The following RAB4A variants were observed in gnomAD, a reference collection of about 807,000 sequenced individuals.
RAB4A encodes the protein RAB4A, member RAS oncogene family, also known as ras-related protein Rab-4A.
RAB4A carries 20 observed loss-of-function variants against 34.5 expected under a neutral mutation model. The observed-to-expected ratio is 0.58, with a 90% CI of 0.41 to 0.84. The LOEUF (loss-of-function observed/expected upper bound fraction) is 0.84, where lower values mean the gene tolerates loss of function less well. RAB4A is among the 40% of genes least tolerant of loss of function. The pLI is 0.00. For missense variants in RAB4A, 228 were observed against 274.5 expected, an observed-to-expected ratio of 0.83 and a Z score of 1.20; for synonymous variants, 102 against 100.0, an observed-to-expected ratio of 1.02 and a Z score of -0.12.
intron 3 of RAB4A, among the ~76,000 whole-genome samples, chr1:229,294,708 C>T (rs1034412965): frequency 3.3e-5 from 5 of 152,022 alleles, no homozygotes; most frequent in Admixed American, 6.6e-5. Context: ...GGCGTGGTGG[C>T]GGGTGCAGCT....
At chr1:229,290,259 C>G (rs1657033891) in intron 3 of RAB4A, among the ~76,000 whole-genome samples, 1 of 152,082 alleles carries the variant, frequency 6.6e-6, no homozygotes, top group Non-Finnish European at 1.5e-5. Flanking sequence ...AGTCTAGACT[C>G]AAGGTCATAA....
In RAB4A at chr1:229,271,358, TC is replaced by T; in HGVS notation, c.21del (p.Glu8LysfsTer39). 7.8e-7 allele frequency: 1 copy of T among 1,281,234 alleles called. No homozygotes were observed. The allele number at this position is 1,281,234 out of a possible 1,614,324, so 79.4% of individuals were successfully genotyped here. MSQTAMSETYDFLFKFL... is the reference protein window; with the variant it reads MSQTAMXETYDFLFKFL... ...TCCCAAGATGTCGCAGACGGCCATGTCCGAAACCTACGGTACGAGGCCCGGG... is the reference window on the plus strand; with the variant it reads ...TCCCAAGATGTCGCAGACGGCCATGTCGAAACCTACGGTACGAGGCCCGGG... On this transcript the variant is annotated frameshift_variant, in exon 1 of 8. Coordinates refer to ENST00000366690, the MANE Select transcript of RAB4A (RefSeq NM_004578.4). LOFTEE classifies it high-confidence loss of function.
chr1:229,299,233 T>C (rs968141893), intron 6 of RAB4A, among the ~76,000 whole-genome samples, 161 bp downstream of exon 6: 4 of 152,238 alleles, frequency 2.6e-5, no homozygotes, highest in African/African-American at 7.2e-5. Flanking sequence ...GTCCTGTTCT[T>C]ATCAGGATGA....
chr1:229,278,413 A>G (rs540029733), intron 1 of RAB4A, among the ~76,000 whole-genome samples: 2 of 151,220 alleles, frequency 1.3e-5, no homozygotes, highest in Non-Finnish European at 2.9e-5. Flanking sequence ...TATCCTGGCC[A>G]CCTCTCTCTC....
chr1:229,288,480 A>T, intron 2 of RAB4A, among the ~76,000 whole-genome samples: 1 of 152,196 alleles, frequency 6.6e-6, no homozygotes, highest in Non-Finnish European at 1.5e-5. Context: ...ACTTTCAGGC[A>T]TAGGTTTTTA....
intron 1 of RAB4A, among the ~76,000 whole-genome samples, chr1:229,274,354 T>C (rs1037889731): frequency 6.6e-6 from 1 of 152,104 alleles, no homozygotes; most frequent in Admixed American, 6.6e-5. Context: ...CATGAGCCAC[T>C]GTGCCCTGCT....
At chr1:229,277,410 G>A (rs192725178) in intron 1 of RAB4A, among the ~76,000 whole-genome samples, 6 of 151,202 alleles carry the variant, frequency 4.0e-5, no homozygotes, top group African/African-American at 4.9e-5. Flanking sequence ...TCTACAGGTC[G>A]TGTGCTCTTC....
At position 229,305,465 on chromosome 1, in the gene RAB4A, T is replaced by C. The variant is rs921951563; in HGVS notation, c.*1672T>C. 3 of 554,790 alleles carry C rather than the reference T, an allele frequency of 5.4e-6. No individual in the cohort carries two copies. In the Admixed American group the frequency reaches 1.3e-4, roughly 24 times the overall value. 34.4% of individuals were successfully genotyped at this position (554,790 alleles called of 1,614,324 possible). A position where few individuals can be genotyped will look rare whatever the true frequency, so the allele number is the denominator to read the frequency against. On this transcript the variant is annotated 3_prime_UTR_variant, in exon 8 of 8. Transcript: ENST00000366690. ...TTAAACCACAGACACCATATATCCTTCTGCATCCTTTGGCCAATAAAAGTT... is the reference window on the plus strand; with the variant it reads ...TTAAACCACAGACACCATATATCCTCCTGCATCCTTTGGCCAATAAAAGTT...
intron 1 of RAB4A, among the ~76,000 whole-genome samples, chr1:229,279,908 C>T (rs1054189895): frequency 6.6e-6 from 1 of 152,058 alleles, no homozygotes; most frequent in Non-Finnish European, 1.5e-5. Context: ...TAATAAACAC[C>T]GAATCTAATT....
At chr1:229,272,423 C>G (rs1656515106) in intron 1 of RAB4A, among the ~76,000 whole-genome samples, 1 of 152,130 alleles carries the variant, frequency 6.6e-6, no homozygotes, top group South Asian at 2.1e-4. Context: ...GCTGTACATC[C>G]TGCAGAAACA....
chr1:229,300,780 T>C (rs1311783420), intron 6 of RAB4A, among the ~76,000 whole-genome samples: 1 of 151,770 alleles, frequency 6.6e-6, no homozygotes, highest in East Asian at 1.9e-4. Flanking sequence ...CATCAATATA[T>C]AGGAACAGCT....
intron 4 of RAB4A, among the ~76,000 whole-genome samples, chr1:229,296,833 T>C (rs189148107): frequency 3.2e-4 from 48 of 152,312 alleles, no homozygotes; most frequent in African/African-American, 1.0e-3. Flanking sequence ...TGCTAAAGTG[T>C]GAAGTCATCA....
intron 3 of RAB4A, among the ~76,000 whole-genome samples, chr1:229,291,783 CTT>C (rs374144594): frequency 2.5e-4 from 38 of 152,136 alleles, no homozygotes; most frequent in African/African-American, 8.2e-4. Flanking sequence ...AATTTAGAGA[CTT>C]TTCGTGACAT....
chr1:229,303,078 G>A (rs1657460303), intron 7 of RAB4A, 89 bp downstream of exon 7: 2 of 982,920 alleles, frequency 2.0e-6, no homozygotes, highest in African/African-American at 1.6e-5. Context: ...GTATGAAAAA[G>A]AGGGGATCCC....
In RAB4A at chr1:229,278,151, C is replaced by T. The variant is rs1444252168; in HGVS notation, c.31+6781C>T. On this transcript the variant is annotated intron_variant, in intron 1 of 7. Transcript: ENST00000366690. Reference sequence around the variant, plus strand: ...AAATGCTGGGATTACAGGCATGATCCACCATGCCTGGCCCCTTTCTTCTTT... The same window carrying T: ...AAATGCTGGGATTACAGGCATGATCTACCATGCCTGGCCCCTTTCTTCTTT... Among the ~76,000 whole-genome samples the T allele has an allele frequency of 1.1e-4, 16 of 152,314 alleles. 1 individual carries two copies. In the South Asian group the frequency reaches 3.3e-3, roughly 32 times the overall value.
chr1:229,300,974 A>G (rs1353085304), intron 6 of RAB4A, among the ~76,000 whole-genome samples: 1 of 152,208 alleles, frequency 6.6e-6, no homozygotes, highest in East Asian at 1.9e-4. Flanking sequence ...CCTAATTATA[A>G]GCAAATCAAA....
intron 7 of RAB4A, among the ~76,000 whole-genome samples, 183 bp downstream of exon 7, chr1:229,303,172 T>G (rs1657462511): frequency 6.6e-6 from 1 of 152,084 alleles, no homozygotes; most frequent in African/African-American, 2.4e-5. Context: ...GAGACCAGCC[T>G]AGGCATCATG....
At chr1:229,275,915 C>T (rs1424482629) in intron 1 of RAB4A, among the ~76,000 whole-genome samples, 2 of 151,100 alleles carry the variant, frequency 1.3e-5, no homozygotes, top group African/African-American at 2.5e-5. Context: ...CGTGAGCCAC[C>T]GTGCCCGTGT....
intron 6 of RAB4A, among the ~76,000 whole-genome samples, chr1:229,300,473 G>A (rs554531619): frequency 4.3e-4 from 66 of 152,304 alleles, no homozygotes; most frequent in African/African-American, 1.4e-3. Flanking sequence ...ATATATTTAG[G>A]CAGTAGCATC....
Sources: gnomAD v4.1 joint callset for allele counts (sites outside exome capture counted in the v4.1 genomes callset) on GRCh38, gnomAD v4.1.1 for gene constraint, MANE v1.5 for transcripts, NCBI Gene and HGNC (gene_info 2026-07-23, HGNC 2026-07-21) for gene names.